Variants in BBX observed in about 807,000 individuals in gnomAD.
The protein encoded by BBX is HMG box transcription factor BBX.
In BBX, 30 loss-of-function variants were observed where a neutral mutation model predicts 100.2. The observed-to-expected ratio is 0.30, with a 90% CI of 0.22 to 0.41. The LOEUF (loss-of-function observed/expected upper bound fraction) is 0.41, where lower values mean the gene tolerates loss of function less well. Ranked by LOEUF, BBX falls within the 10% of genes least tolerant of loss-of-function variation. The probability of loss-of-function intolerance (pLI) is 1.00; values close to 1 mark genes in which losing one functional copy is unlikely to be tolerated. For synonymous variants in BBX, 376 were observed against 388.1 expected, an observed-to-expected ratio of 0.97 and a Z score of 0.37; for missense variants, 1,023 against 1,129.8, an observed-to-expected ratio of 0.91 and a Z score of 1.35.
chr3:107,590,131 G>C (rs969264951), intron 2 of BBX, among the ~76,000 whole-genome samples: 1 of 151,798 alleles, frequency 6.6e-6, no homozygotes, highest in African/African-American at 2.4e-5. Context: ...TAATCATTTC[G>C]TGGGACCTTT....
In BBX at chr3:107,719,243, C is replaced by T. The variant is rs369986585; in HGVS notation, c.405+2394C>T. 2.8e-4 allele frequency among the ~76,000 whole-genome samples: 43 copies of T among 152,022 alleles called. 1 individual carries two copies. The highest frequency in any genetic ancestry group is 1.8e-3 in the Admixed American group (28 of 15,214). On this transcript the variant is annotated intron_variant, in intron 5 of 17. Transcript: ENST00000325805. The stretch of plus-strand genomic sequence containing the variant: ...TAAATTTTAAACCTCAAATTTTAGA[C>T]GTTGTCCATTAGGGTGCAAGACAGA...
At chr3:107,790,020 C>T (rs972705586) in intron 14 of BBX, 144 bp downstream of exon 14, 1 of 564,166 alleles carries the variant, frequency 1.8e-6, no homozygotes, top group Admixed American at 3.1e-5. Context: ...CGGGTGTTCT[C>T]ATTCTTTCCG....
Position 107,806,472 on chromosome 3 carries a change from A to G in BBX, c.*1015A>G, listed in dbSNP as rs1195955088. The G allele has an allele frequency of 6.6e-6, 1 of 152,232 alleles. No homozygotes were observed. The highest frequency in any genetic ancestry group is 1.5e-5 in the Non-Finnish European group (1 of 68,058). 9.4% of individuals were successfully genotyped at this position (152,232 alleles called of 1,614,324 possible). A position where few individuals can be genotyped will look rare whatever the true frequency, so the allele number is the denominator to read the frequency against. On this transcript the variant is annotated 3_prime_UTR_variant, in exon 18 of 18. Coordinates refer to ENST00000325805, the MANE Select transcript of BBX (RefSeq NM_001142568.3). Reference sequence around the variant, plus strand: ...TTTACATCCATCACAGATTGGCTGGACGGGTTGCAATTGCTATGCACAGCC... The same window carrying G: ...TTTACATCCATCACAGATTGGCTGGGCGGGTTGCAATTGCTATGCACAGCC...
At chr3:107,677,221 G>A (rs2059326405) in intron 3 of BBX, among the ~76,000 whole-genome samples, 2 of 152,032 alleles carry the variant, frequency 1.3e-5, no homozygotes, top group Non-Finnish European at 2.9e-5. Flanking sequence ...TAAAAATATG[G>A]AAAGCATAGA....
chr3:107,761,196 G>A (rs545617705), intron 10 of BBX, among the ~76,000 whole-genome samples: 2 of 152,340 alleles, frequency 1.3e-5, no homozygotes, highest in Admixed American at 6.5e-5. Flanking sequence ...GCAAGCACAG[G>A]AGAAAGGTAG....
At chr3:107,709,120 GGCTA>G (rs2061561885) in intron 3 of BBX, among the ~76,000 whole-genome samples, 1 of 152,060 alleles carries the variant, frequency 6.6e-6, no homozygotes, top group South Asian at 2.1e-4. Context: ...TGGTATAGTT[GGCTA>G]GCTATTTTTT....
chr3:107,662,245 G>A (rs1002950325), intron 3 of BBX, among the ~76,000 whole-genome samples: 4 of 152,170 alleles, frequency 2.6e-5, no homozygotes, highest in Non-Finnish European at 4.4e-5. Flanking sequence ...ATTAGGTTTT[G>A]AAGTACATTT....
intron 9 of BBX, among the ~76,000 whole-genome samples, chr3:107,749,479 A>G (rs1301633506): frequency 6.6e-6 from 1 of 152,238 alleles, no homozygotes; most frequent in Admixed American, 6.5e-5. Context: ...CAGGAATATT[A>G]GAAAGGTAGC....
At chr3:107,753,317 A>G (rs1235327265) in intron 9 of BBX, among the ~76,000 whole-genome samples, 1 of 152,174 alleles carries the variant, frequency 6.6e-6, no homozygotes, top group African/African-American at 2.4e-5. Flanking sequence ...TAGAAATCGT[A>G]TCTCACACTA....
In BBX at chr3:107,584,135, T is replaced by TC. The variant is rs1195739761; in HGVS notation, c.-84+57737_-84+57738insC. On this transcript the variant is annotated intron_variant, in intron 2 of 17. Transcript: ENST00000325805. ...ATTATATATAATATATATATTATTATATATATTATATATAATATATGATAT... is the reference window on the plus strand; with the variant it reads ...ATTATATATAATATATATATTATTATCATATATTATATATAATATATGATAT... Among the ~76,000 whole-genome samples the TC allele has an allele frequency of 5.7e-4, 11 of 19,462 alleles. 2 individuals are homozygous for TC. Among genetic ancestry groups the TC allele is most frequent in the African/African-American group, 2.1e-3 (10 of 4,708 alleles). 12.8% of individuals were successfully genotyped at this position (19,462 alleles called of 152,430 possible). A position where few individuals can be genotyped will look rare whatever the true frequency, so the allele number is the denominator to read the frequency against.
chr3:107,640,536 C>T (rs557269070), intron 2 of BBX, among the ~76,000 whole-genome samples: 1 of 152,240 alleles, frequency 6.6e-6, no homozygotes, highest in South Asian at 2.1e-4. Flanking sequence ...AAATTCCTTT[C>T]CTTACCATTT....
Position 107,719,771 on chromosome 3 carries a change from GATACAAAACAATT to G in BBX, c.405+2926_405+2938del, listed in dbSNP as rs1219699209. Among the ~76,000 whole-genome samples, 3 of 152,124 alleles carry G rather than the reference GATACAAAACAATT, an allele frequency of 2.0e-5. No homozygotes were observed. In the East Asian group the frequency reaches 5.8e-4, roughly 29 times the overall value. On this transcript the variant is annotated intron_variant, in intron 5 of 17. Coordinates refer to ENST00000325805, the MANE Select transcript of BBX (RefSeq NM_001142568.3). ...TTGAATGTGTGACTGCCCGTTAGGA[GATACAAAACAATT>G]ATATCTTTCCTTTTAACATCTTCAT... is the stretch of plus-strand genomic sequence containing the variant.
At chr3:107,702,511 A>G (rs2061139306) in intron 3 of BBX, among the ~76,000 whole-genome samples, 1 of 152,200 alleles carries the variant, frequency 6.6e-6, no homozygotes, top group Non-Finnish European at 1.5e-5. Context: ...AAAACAGAGA[A>G]GTATTGTTTC....
At chr3:107,536,457 C>CTT (rs996018186) in intron 2 of BBX, among the ~76,000 whole-genome samples, 3 of 152,052 alleles carry the variant, frequency 2.0e-5, no homozygotes, top group Non-Finnish European at 4.4e-5. Context: ...TGGATATGAT[C>CTT]TTACTAAGAG....
chr3:107,770,735 G>A (rs548237870), intron 10 of BBX, among the ~76,000 whole-genome samples: 80 of 152,236 alleles, frequency 5.3e-4, no homozygotes, highest in African/African-American at 1.8e-3. Context: ...TGAATGATCC[G>A]AAGGGCTGTG....
At chr3:107,799,019 G>T (rs1169171469) in intron 16 of BBX, among the ~76,000 whole-genome samples, 1 of 151,626 alleles carries the variant, frequency 6.6e-6, no homozygotes, top group Non-Finnish European at 1.5e-5. Context: ...GCCTGGTGGT[G>T]GGTGCCTGTA....
Position 107,761,610 on chromosome 3 carries a change from A to C in BBX, c.906+5932A>C, listed in dbSNP as rs1187990043. Among the ~76,000 whole-genome samples, 4 of 152,208 alleles carry C rather than the reference A, an allele frequency of 2.6e-5. No homozygotes were observed. The East Asian group carries it at 7.7e-4, about 29-fold the overall frequency. On this transcript the variant is annotated intron_variant, in intron 10 of 17. Coordinates refer to ENST00000325805, the MANE Select transcript of BBX (RefSeq NM_001142568.3). ...CTCCAACACTGAACCTGATTGTTTG[A>C]CCTTGACCTTGGAACCCTGCTTCGG...
chr3:107,743,332 T>C (rs2064271372), intron 7 of BBX, among the ~76,000 whole-genome samples: 1 of 152,210 alleles, frequency 6.6e-6, no homozygotes, highest in African/African-American at 2.4e-5. Flanking sequence ...GAGTTCTCAA[T>C]TTTTTGTGGC....
intron 5 of BBX, among the ~76,000 whole-genome samples, chr3:107,724,692 AG>A: frequency 6.6e-6 from 1 of 152,016 alleles, no homozygotes; most frequent in Non-Finnish European, 1.5e-5. Context: ...TGTTTTTCTC[AG>A]GTTTGTCAAA....
Sources: gnomAD v4.1 joint callset for allele counts (sites outside exome capture counted in the v4.1 genomes callset) on GRCh38, gnomAD v4.1.1 for gene constraint, MANE v1.5 for transcripts, NCBI Gene and HGNC (gene_info 2026-07-23, HGNC 2026-07-21) for gene names.